RSF1: variants seen among roughly 807,000 people sequenced by gnomAD.
RSF1 encodes the protein remodeling and spacing factor 1.
RSF1 carries 13 observed loss-of-function variants against 145.2 expected under a neutral mutation model. The observed-to-expected ratio is 0.09, with a 90% CI of 0.06 to 0.14. The LOEUF (loss-of-function observed/expected upper bound fraction) is 0.14, where lower values mean the gene tolerates loss of function less well. Ranked by LOEUF, RSF1 falls within the 10% of genes least tolerant of loss-of-function variation. The pLI is 1.00. For synonymous variants in RSF1, 577 were observed against 592.6 expected, an observed-to-expected ratio of 0.97 and a Z score of 0.38; for missense variants, 1,517 against 1,718.2, an observed-to-expected ratio of 0.88 and a Z score of 2.07.
the RSF1 span, among the ~76,000 whole-genome samples, chr11:77,831,489 TCTTA>T: frequency 6.6e-6 from 1 of 152,178 alleles, no homozygotes; most frequent in Non-Finnish European, 1.5e-5. Context: ...TCCTTGAAAT[TCTTA>T]CTTAGTAGAT....
chr11:77,677,009 G>C lies in RSF1; in HGVS notation c.3134-10C>G, dbSNP rs199537262. 1.9e-6 allele frequency: 3 copies of C among 1,608,612 alleles called. No homozygotes were observed. The highest frequency in any genetic ancestry group is 2.7e-5 in the African/African-American group (2 of 74,570). ...TTTCCTCGGCCAACTCCTGAATTTG[G>C]GGGAGGGAAGTTCGGGGAGAGAAAA... On this transcript the variant is annotated splice_polypyrimidine_tract_variant and intron_variant, in intron 12 of 15. Transcript: ENST00000308488.
chr11:77,787,078 T>C (rs775865182), intron 1 of RSF1, among the ~76,000 whole-genome samples: 8 of 152,064 alleles, frequency 5.3e-5, no homozygotes, highest in Non-Finnish European at 1.2e-4. Flanking sequence ...CTCTGGAAAT[T>C]TGCAGAGTCC....
chr11:77,754,246 T>A (rs1948093724), intron 2 of RSF1, among the ~76,000 whole-genome samples: 2 of 152,094 alleles, frequency 1.3e-5, no homozygotes, highest in Non-Finnish European at 2.9e-5. Context: ...AAAAGAGTAA[T>A]GTGATACAGA....
At chr11:77,708,318 A>G (rs1960601894) in intron 5 of RSF1, among the ~76,000 whole-genome samples, 2 of 152,166 alleles carry the variant, frequency 1.3e-5, no homozygotes, top group Non-Finnish European at 2.9e-5. Context: ...AGTTCCAGCT[A>G]TACTAGAGGC....
the RSF1 span, among the ~76,000 whole-genome samples, chr11:77,843,504 T>G: frequency 6.6e-6 from 1 of 152,136 alleles, no homozygotes; most frequent in Non-Finnish European, 1.5e-5. Context: ...GCTATGGCAA[T>G]CTGGAGAGTA....
At chr11:77,819,854 A>C (rs1308583523) in intron 1 of RSF1, among the ~76,000 whole-genome samples, 1 of 151,890 alleles carries the variant, frequency 6.6e-6, no homozygotes, top group African/African-American at 2.4e-5. Context: ...TCGCCCCCCT[A>C]CCGAGAATGG....
upstream of RSF1, chr11:77,820,859 G>A: frequency 1.2e-6 from 1 of 820,458 alleles, no homozygotes; most frequent in Non-Finnish European, 1.9e-6. Flanking sequence ...ACGGCTCCGC[G>A]ATCCCACAAT....
At chr11:77,767,632 C>T (rs1203605060) in intron 1 of RSF1, among the ~76,000 whole-genome samples, 1 of 152,198 alleles carries the variant, frequency 6.6e-6, no homozygotes, top group Non-Finnish European at 1.5e-5. Flanking sequence ...TTATTGTTTT[C>T]TGCCCACTTG....
intron 3 of RSF1, among the ~76,000 whole-genome samples, chr11:77,743,440 T>C (rs1590862759): frequency 6.6e-6 from 1 of 152,226 alleles, no homozygotes; most frequent in Non-Finnish European, 1.5e-5. Context: ...TTTTACCTCT[T>C]TGGTCAAATT....
At chr11:77,813,447 C>T in intron 1 of RSF1, 1 of 1,211,980 alleles carries the variant, frequency 8.3e-7, no homozygotes, top group Non-Finnish European at 1.2e-6. Context: ...GGAAAGGATC[C>T]CACGTCTTAG....
chr11:77,717,181 C>CAA (rs55686322), intron 5 of RSF1, among the ~76,000 whole-genome samples: 6 of 129,194 alleles, frequency 4.6e-5, no homozygotes, highest in Non-Finnish European at 6.5e-5. Context: ...AACCAAAAAC[C>CAA]AAAAAAAAAA....
At chr11:77,857,671 C>T in the RSF1 span, among the ~76,000 whole-genome samples, 2 of 150,302 alleles carry the variant, frequency 1.3e-5, no homozygotes, top group Non-Finnish European at 3.0e-5. Context: ...GGATGGTTTG[C>T]TGCACCTATC....
upstream of RSF1, among the ~76,000 whole-genome samples, chr11:77,823,621 C>CAAAAAAAAA (rs397970373): frequency 4.1e-5 from 4 of 97,640 alleles, no homozygotes; most frequent in Non-Finnish European, 7.9e-5. Context: ...CACCCTGTCT[C>CAAAAAAAAA]AAAAAAAAAA....
intron 4 of RSF1, among the ~76,000 whole-genome samples, chr11:77,730,056 T>G (rs1961164938): frequency 6.6e-6 from 1 of 152,110 alleles, no homozygotes. Flanking sequence ...TTATATTAAT[T>G]AGTTCATATA....
intron 1 of RSF1, among the ~76,000 whole-genome samples, chr11:77,769,426 AAT>A (rs1948259911): frequency 1.3e-5 from 2 of 152,268 alleles, no homozygotes; most frequent in Admixed American, 6.5e-5. Context: ...CAATCCAAAA[AAT>A]AGTTTTTGTC....
chr11:77,750,405 A>T (rs1330380351), intron 2 of RSF1, among the ~76,000 whole-genome samples: 8 of 152,220 alleles, frequency 5.3e-5, no homozygotes, highest in Non-Finnish European at 7.3e-5. Flanking sequence ...TATTCCCGTA[A>T]CACTTTGTTT....
intron 1 of RSF1, among the ~76,000 whole-genome samples, chr11:77,799,436 C>T (rs1366365999): frequency 1.4e-5 from 2 of 146,854 alleles, no homozygotes; most frequent in Admixed American, 7.0e-5. Context: ...CAGGAGAGGT[C>T]GAGGCTGCAG....
chr11:77,678,390 T>G (rs867054523), intron 11 of RSF1, among the ~76,000 whole-genome samples: 3 of 152,200 alleles, frequency 2.0e-5, no homozygotes, highest in Middle Eastern at 6.8e-3. Context: ...CTAATTTTTG[T>G]ACTTTTAGTA....
chr11:77,766,138 CA>C (rs58857265), intron 1 of RSF1, among the ~76,000 whole-genome samples: 140 of 141,032 alleles, frequency 9.9e-4, no homozygotes, highest in Middle Eastern at 3.6e-3. Flanking sequence ...AATGCTGGAT[CA>C]AAAAAAAAAA....
Sources: gnomAD v4.1 joint callset for allele counts (sites outside exome capture counted in the v4.1 genomes callset) on GRCh38, gnomAD v4.1.1 for gene constraint, MANE v1.5 for transcripts, NCBI Gene and HGNC (gene_info 2026-07-23, HGNC 2026-07-21) for gene names.